IL18BP: variants seen among roughly 807,000 people sequenced by gnomAD.
IL18BP encodes the protein interleukin-18-binding protein.
IL18BP carries 23 observed loss-of-function variants against 19.9 expected under a neutral mutation model. The ratio of observed to expected loss-of-function variants is 1.15; its 90% CI spans 0.83 to 1.64. The LOEUF (loss-of-function observed/expected upper bound fraction) is 1.64, where lower values mean the gene tolerates loss of function less well. IL18BP is among the 40% of genes most tolerant of loss of function. The probability of loss-of-function intolerance (pLI) is 0.00; values close to 1 mark genes in which losing one functional copy is unlikely to be tolerated. For synonymous variants in IL18BP, 107 were observed against 101.0 expected (o/e 1.06, Z -0.35); for missense variants, 239 against 240.7 (o/e 0.99, Z 0.05).
downstream of IL18BP, among the ~76,000 whole-genome samples, chr11:72,006,519 CAG>C (rs1285129061): frequency 2.0e-5 from 3 of 152,152 alleles, no homozygotes; most frequent in Non-Finnish European, 4.4e-5. Context: ...GTAGGGAATG[CAG>C]AGTGTTTATC....
downstream of IL18BP, chr11:72,008,126 T>C (rs1459131446): frequency 6.3e-6 from 3 of 479,336 alleles, no homozygotes; most frequent in Admixed American, 2.3e-5. Flanking sequence ...TCAGGTATAA[T>C]TGTCATGAGT....
Position 72,001,233 on chromosome 11 carries a change from A to T in IL18BP, c.268A>T (p.Ser90Cys). ...GTLSLSCVAC[S>C]RFPNFSILYW... is the part of the protein sequence containing the mutation. ...GCTGAGCTTATCCTGTGTGGCCTGCAGCCGCTTCCCCAACTTCAGCATCCT... is the reference window on the plus strand; with the variant it reads ...GCTGAGCTTATCCTGTGTGGCCTGCTGCCGCTTCCCCAACTTCAGCATCCT... The change falls in exon 4 of 6, where the codon AGC (serine) becomes TGC (cysteine). Residue 90 changes from serine (S) to cysteine (C), a missense_variant. By Grantham distance (112) the Ser-to-Cys change is moderately radical. Coordinates refer to ENST00000393703, the MANE Select transcript of IL18BP (RefSeq NM_001039660.2). The T allele has an allele frequency of 6.2e-7, 1 of 1,614,194 alleles. No homozygotes were observed. The highest frequency in any genetic ancestry group is 8.5e-7 in the Non-Finnish European group (1 of 1,180,024).
intron 3 of IL18BP, among the ~76,000 whole-genome samples, 153 bp downstream of exon 3, chr11:72,000,710 G>A (rs748582434): frequency 1.3e-5 from 2 of 152,202 alleles, no homozygotes; most frequent in African/African-American, 4.8e-5. Context: ...CCAGTGTCAT[G>A]GGTGCAGGCT....
downstream of IL18BP, chr11:72,003,224 A>G: frequency 2.1e-6 from 1 of 466,108 alleles, no homozygotes. Context: ...CCAAGGACCC[A>G]GCCATCAAAA....
downstream of IL18BP, chr11:72,003,980 G>A (rs763198425): frequency 6.2e-7 from 1 of 1,613,222 alleles, no homozygotes; most frequent in African/African-American, 1.3e-5. Context: ...GGGTTCCACT[G>A]CGAGTGTTGG....
downstream of IL18BP, chr11:72,004,156 G>C: frequency 1.2e-6 from 2 of 1,603,094 alleles, no homozygotes; most frequent in Non-Finnish European, 1.7e-6. Flanking sequence ...AGGCCAGCGT[G>C]CTGTGCCACG....
At chr11:72,003,422 G>A (rs749157724), downstream of IL18BP, 2 of 1,148,084 alleles carry the variant, frequency 1.7e-6, no homozygotes, top group Non-Finnish European at 2.6e-6. Context: ...TTTGGCTACT[G>A]TTGGCCTGGG....
intron 5 of IL18BP, 64 bp downstream of exon 5, chr11:72,001,616 A>C: frequency 6.3e-7 from 1 of 1,589,850 alleles, no homozygotes; most frequent in Non-Finnish European, 8.6e-7. Flanking sequence ...GTGGGGAGGA[A>C]AGGGTGGGCT....
At position 72,002,059 on chromosome 11, in the gene IL18BP, A is replaced by G; in HGVS notation, c.*198A>G. ...CCTAGAAAATCACAGCCTCCTTATAATGCCTCCTCCTCCTGCCATTCTCTC... is the reference window on the plus strand; with the variant it reads ...CCTAGAAAATCACAGCCTCCTTATAGTGCCTCCTCCTCCTGCCATTCTCTC... On this transcript the variant is annotated 3_prime_UTR_variant, in exon 6 of 6. Coordinates refer to ENST00000393703, the MANE Select transcript of IL18BP (RefSeq NM_001039660.2). 2.8e-6 allele frequency: 2 copies of G among 709,500 alleles called. No homozygotes were observed. Among genetic ancestry groups the G allele is most frequent in the Non-Finnish European group, 2.4e-6 (1 of 420,022 alleles). 44.0% of individuals were successfully genotyped at this position (709,500 alleles called of 1,614,324 possible). A position where few individuals can be genotyped will look rare whatever the true frequency, so the allele number is the denominator to read the frequency against.
At chr11:71,999,887 C>T (rs890499056) in intron 1 of IL18BP, 40 bp from the exon 2 acceptor site, 46 of 1,236,926 alleles carry the variant, frequency 3.7e-5, no homozygotes, top group African/African-American at 1.0e-4. Context: ...TGAGAAAAAG[C>T]GGGAGTGGTT....
downstream of IL18BP, chr11:72,007,909 G>A (rs897810021): frequency 2.3e-5 from 8 of 354,648 alleles, no homozygotes; most frequent in Admixed American, 1.6e-4. Flanking sequence ...TCCCTGGTCT[G>A]CTTCATCTCC....
chr11:72,008,193 A>G (rs770547863), downstream of IL18BP: 9 of 470,296 alleles, frequency 1.9e-5, no homozygotes, highest in Admixed American at 1.2e-4. Flanking sequence ...ACATTTTTCC[A>G]GTCTTAACTT....
chr11:72,005,085 T>C (rs1955596086), downstream of IL18BP: 2 of 972,456 alleles, frequency 2.1e-6, no homozygotes, highest in Admixed American at 3.0e-5. Flanking sequence ...CTCCCAGCTG[T>C]CTGTTCCACC....
downstream of IL18BP, chr11:72,004,312 G>T (rs767168431): frequency 1.2e-6 from 2 of 1,613,286 alleles, no homozygotes. Flanking sequence ...GAGTCATGGG[G>T]CGTGGGAAAC....
chr11:72,001,353 G>A (rs371854852), intron 4 of IL18BP, 29 bp downstream of exon 4: 824 of 1,614,252 alleles, frequency 5.1e-4, no homozygotes, highest in Non-Finnish European at 6.3e-4. Context: ...AGGTGGGTGG[G>A]AAGGAGGCCT....
chr11:72,004,339 A>G, downstream of IL18BP: 1 of 1,611,556 alleles, frequency 6.2e-7, no homozygotes, highest in South Asian at 1.1e-5. Flanking sequence ...TGGCCTTCTT[A>G]GACTATGGAG....
chr11:72,007,563 T>A (rs1295734416), downstream of IL18BP: 1 of 1,210,882 alleles, frequency 8.3e-7, no homozygotes, highest in African/African-American at 1.5e-5. Flanking sequence ...ATCTCTCTGA[T>A]TTTTCAGAGG....
At chr11:72,005,383 G>A (rs376394423), downstream of IL18BP, 9 of 1,600,788 alleles carry the variant, frequency 5.6e-6, no homozygotes, top group African/African-American at 8.1e-5. Flanking sequence ...TGGAAGGCAG[G>A]GAAGTGGGAA....
At chr11:72,003,537 G>C, downstream of IL18BP, 1 of 1,614,172 alleles carries the variant, frequency 6.2e-7, no homozygotes. Context: ...TTAGTGCTTT[G>C]CCTGAAAGAG....
Sources: allele counts gnomAD v4.1 joint callset (sites outside exome capture counted in the v4.1 genomes callset), GRCh38; gene constraint gnomAD v4.1.1; transcripts MANE v1.5; gene names NCBI Gene and HGNC (gene_info 2026-07-23, HGNC 2026-07-21).